IL1RAPL2: variants seen among roughly 807,000 people sequenced by gnomAD.
IL1RAPL2 encodes the protein interleukin 1 receptor accessory protein like 2, also known as X-linked interleukin-1 receptor accessory protein-like 2.
In IL1RAPL2, 3 loss-of-function variants were observed where a neutral mutation model predicts 44.1. The ratio of observed to expected loss-of-function variants is 0.07; its 90% CI spans 0.03 to 0.18. The LOEUF (loss-of-function observed/expected upper bound fraction) is 0.18. Among genes scored for constraint, IL1RAPL2 ranks in the 10% least tolerant of loss-of-function variants. IL1RAPL2 has a pLI of 1.00. For missense variants in IL1RAPL2, 391 were observed against 496.4 expected (o/e 0.79, Z 2.02); for synonymous variants, 181 against 178.8 (o/e 1.01, Z -0.10).
intron 2 of IL1RAPL2, among the ~76,000 whole-genome samples, chrX:104,844,366 C>A (rs149617512): frequency 2.7e-5 from 3 of 111,014 alleles, no homozygotes; most frequent in Non-Finnish European, 5.7e-5. Flanking sequence ...ATAGGTGCTG[C>A]ATGGAAAAAG....
At chrX:104,831,133 CTA>C (rs1921593452) in intron 2 of IL1RAPL2, among the ~76,000 whole-genome samples, 2 of 111,539 alleles carry the variant, frequency 1.8e-5, no homozygotes, top group Admixed American at 9.6e-5. Flanking sequence ...TAAACAATAA[CTA>C]TGTTTCTTCT....
intron 10 of IL1RAPL2, among the ~76,000 whole-genome samples, chrX:105,757,817 A>AT (rs1462032175): frequency 2.7e-5 from 3 of 111,467 alleles, no homozygotes; most frequent in African/African-American, 9.8e-5. Context: ...CCCTTTGACA[A>AT]TTTTTCTTTT....
At chrX:104,661,336 T>C (rs1025549286) in intron 2 of IL1RAPL2, among the ~76,000 whole-genome samples, 5 of 111,790 alleles carry the variant, frequency 4.5e-5, no homozygotes, top group African/African-American at 1.3e-4. Flanking sequence ...CAGCTGGTTC[T>C]TTTATTTTAT....
intron 2 of IL1RAPL2, among the ~76,000 whole-genome samples, chrX:104,929,681 C>T (rs909003880): frequency 1.8e-5 from 2 of 112,062 alleles, no homozygotes; most frequent in Non-Finnish European, 3.8e-5. Context: ...TCCATTTTGA[C>T]ATGCACACCT....
At chrX:105,564,630 G>A (rs1269644193) in intron 6 of IL1RAPL2, among the ~76,000 whole-genome samples, 5 of 111,584 alleles carry the variant, frequency 4.5e-5, no homozygotes, top group African/African-American at 1.6e-4. Flanking sequence ...GTAACACTGT[G>A]GGATTGTCAA....
chrX:105,491,340 A>G (rs1416563983), intron 6 of IL1RAPL2, among the ~76,000 whole-genome samples: 1 of 112,167 alleles, frequency 8.9e-6, no homozygotes, highest in Non-Finnish European at 1.9e-5. Flanking sequence ...TTGTTAATGC[A>G]AATAGTAATA....
chrX:105,115,304 A>T (rs1251960708), intron 2 of IL1RAPL2, among the ~76,000 whole-genome samples: 1 of 111,718 alleles, frequency 9.0e-6, no homozygotes, highest in East Asian at 2.8e-4. Flanking sequence ...AGGAACAAAG[A>T]TTCCACAGTG....
rs782210908 is a variant in IL1RAPL2 at position 105,220,265 on chromosome X, T to C, written c.357-13553T>C. 8.3e-6 allele frequency: 10 copies of C among 1,209,422 alleles called. No individual in the cohort carries two copies. In the East Asian group the frequency reaches 2.1e-4, roughly 25 times the overall value. Reference sequence around the variant, plus strand: ...ATGGCCCTCAGCTTGTCTTCCACCTTCTCCCAGGATAAGGATATATTCTCA... The same window carrying C: ...ATGGCCCTCAGCTTGTCTTCCACCTCCTCCCAGGATAAGGATATATTCTCA... On this transcript the variant is annotated intron_variant, in intron 3 of 10. Coordinates refer to ENST00000372582, the MANE Select transcript of IL1RAPL2 (RefSeq NM_017416.2).
Position 104,718,175 on chromosome X carries a change from G to A in IL1RAPL2, c.82+59180G>A, listed in dbSNP as rs751909445. Among the ~76,000 whole-genome samples, 11 of 110,794 alleles carry A rather than the reference G, an allele frequency of 9.9e-5. No homozygotes were observed. In the South Asian group the frequency reaches 3.1e-3, roughly 31 times the overall value. On this transcript the variant is annotated intron_variant, in intron 2 of 10. Transcript: ENST00000372582. ...TCTAGTTCTAGATCCCTGAGGAATC[G>A]CCACACTGACTTCCACAATGGTTGA...
chrX:105,300,144 G>T lies in IL1RAPL2; in HGVS notation c.697+32603G>T, dbSNP rs1285502919. 2.7e-5 allele frequency among the ~76,000 whole-genome samples: 3 copies of T among 111,749 alleles called. No homozygotes were observed. In the Admixed American group the frequency reaches 2.9e-4, roughly 11 times the overall value. On this transcript the variant is annotated intron_variant, in intron 5 of 10. Coordinates refer to ENST00000372582, the MANE Select transcript of IL1RAPL2 (RefSeq NM_017416.2). ...ACAATAATTATAATAAAAAGAATTT[G>T]TAAGGAGGCCTGTATTAGGGCATTC... is the stretch of plus-strand genomic sequence containing the variant.
intron 6 of IL1RAPL2, among the ~76,000 whole-genome samples, chrX:105,489,835 C>CT (rs2036302725): frequency 1.6e-5 from 1 of 62,094 alleles, no homozygotes; most frequent in Non-Finnish European, 3.2e-5. Flanking sequence ...CTTTTTCTTT[C>CT]TTTTTTTCTT....
chrX:105,754,140 T>A (rs1485520831), intron 9 of IL1RAPL2, among the ~76,000 whole-genome samples: 1 of 112,486 alleles, frequency 8.9e-6, no homozygotes, highest in Non-Finnish European at 1.9e-5. Flanking sequence ...AATCCTGAAA[T>A]TTTTAACAGT....
At chrX:105,106,097 A>G (rs2032739810) in intron 2 of IL1RAPL2, among the ~76,000 whole-genome samples, 1 of 112,178 alleles carries the variant, frequency 8.9e-6, no homozygotes, top group African/African-American at 3.2e-5. Flanking sequence ...TCAATGCATG[A>G]AAGTCCCATG....
At chrX:105,366,139 G>C (rs1393801428) in intron 5 of IL1RAPL2, among the ~76,000 whole-genome samples, 4 of 110,489 alleles carry the variant, frequency 3.6e-5, no homozygotes, top group African/African-American at 1.3e-4. Context: ...GTGAGATGGG[G>C]TTTTATAATA....
chrX:105,364,776 T>C (rs1486167887), intron 5 of IL1RAPL2, among the ~76,000 whole-genome samples: 2 of 112,070 alleles, frequency 1.8e-5, no homozygotes, highest in African/African-American at 6.5e-5. Context: ...ACTGAATTTC[T>C]TTATTGATTC....
intron 6 of IL1RAPL2, among the ~76,000 whole-genome samples, chrX:105,499,397 A>G (rs1406286356): frequency 1.8e-5 from 2 of 111,448 alleles, no homozygotes; most frequent in Admixed American, 9.6e-5. Flanking sequence ...GTGGGACTAC[A>G]GAAAACTGAA....
chrX:105,061,086 G>A (rs2032070842), intron 2 of IL1RAPL2, among the ~76,000 whole-genome samples: 2 of 110,201 alleles, frequency 1.8e-5, no homozygotes, highest in Non-Finnish European at 3.8e-5. Context: ...GTAATTTTGG[G>A]CTTGGTTTGC....
intron 1 of IL1RAPL2, chrX:104,647,247 A>G: frequency 8.0e-6 from 3 of 375,501 alleles, no homozygotes; most frequent in Non-Finnish European, 1.5e-5. Flanking sequence ...CTCAGAGCTG[A>G]GAGCTGGTAT....
At chrX:105,090,510 C>T (rs1248070068) in intron 2 of IL1RAPL2, among the ~76,000 whole-genome samples, 1 of 112,052 alleles carries the variant, frequency 8.9e-6, no homozygotes. Context: ...ATTGGTTTCA[C>T]ACAATATAAA....
Sources: allele counts gnomAD v4.1 joint callset (sites outside exome capture counted in the v4.1 genomes callset), GRCh38; gene constraint gnomAD v4.1.1; transcripts MANE v1.5; gene names NCBI Gene and HGNC (gene_info 2026-07-23, HGNC 2026-07-21).